PEPD: variants seen among roughly 807,000 people sequenced by gnomAD.
PEPD encodes the protein xaa-Pro dipeptidase.
A neutral mutation model predicts 60.7 loss-of-function variants in PEPD; 53 were observed. That is an observed-to-expected ratio of 0.87 (90% CI 0.70 to 1.10). PEPD has a LOEUF of 1.10. Ranked by LOEUF, PEPD falls within the 50% of genes least tolerant of loss-of-function variation. PEPD has a pLI of 0.00. For missense variants in PEPD, 711 were observed against 711.9 expected, an observed-to-expected ratio of 1.00 and a Z score of 0.01; for synonymous variants, 267 against 284.1, an observed-to-expected ratio of 0.94 and a Z score of 0.60.
At chr19:33,402,815 G>T (rs567161887) in intron 11 of PEPD, among the ~76,000 whole-genome samples, 1 of 152,324 alleles carries the variant, frequency 6.6e-6, no homozygotes, top group African/African-American at 2.4e-5. Context: ...AGGCAGGATG[G>T]CATGGGACAG....
At chr19:33,424,369 C>T (rs770687675) in intron 9 of PEPD, among the ~76,000 whole-genome samples, 2 of 152,238 alleles carry the variant, frequency 1.3e-5, no homozygotes, top group Non-Finnish European at 2.9e-5. Context: ...CTTGAGCCAG[C>T]GAGGGAGCTC....
intron 7 of PEPD, among the ~76,000 whole-genome samples, chr19:33,475,752 G>A (rs1193769186): frequency 6.6e-6 from 1 of 152,182 alleles, no homozygotes; most frequent in Non-Finnish European, 1.5e-5. Context: ...CCCATTCTAA[G>A]TACCCAGGAT....
At chr19:33,520,782 G>GC (rs1971116649) in intron 1 of PEPD, among the ~76,000 whole-genome samples, 2 of 151,158 alleles carry the variant, frequency 1.3e-5, no homozygotes, top group South Asian at 2.1e-4. Flanking sequence ...CCTACACCAT[G>GC]CCCCCTCTAC....
Position 33,455,652 on chromosome 19 carries a change from G to A in PEPD, c.671+7343C>T, listed in dbSNP as rs573582387. 8.6e-5 allele frequency among the ~76,000 whole-genome samples: 13 copies of A among 150,698 alleles called. No homozygotes were observed. The East Asian group carries it at 1.8e-3, about 20-fold the overall frequency. On this transcript the variant is annotated intron_variant, in intron 9 of 14. Coordinates refer to ENST00000244137, the MANE Select transcript of PEPD (RefSeq NM_000285.4). ...CAAGTAGCTGGGACTATAGGGGTGCGTCACCACACTCAGCTAATTAAAAAC... is the reference window on the plus strand; with the variant it reads ...CAAGTAGCTGGGACTATAGGGGTGCATCACCACACTCAGCTAATTAAAAAC...
Position 33,387,403 on chromosome 19 carries a change from T to A in PEPD, c.1423A>T (p.Ile475Phe). 6.2e-7 allele frequency: 1 copy of A among 1,614,066 alleles called. No individual in the cohort carries two copies. The highest frequency in any genetic ancestry group is 8.5e-7 in the Non-Finnish European group (1 of 1,180,036). The change falls in exon 15 of 15, where the codon ATT (isoleucine) becomes TTT (phenylalanine). Residue 475 changes from isoleucine (I) to phenylalanine (F), a missense_variant. By Grantham distance (21) the Ile-to-Phe change is conservative (BLOSUM62 0). Transcript: ENST00000244137. The stretch of plus-strand genomic sequence containing the variant: ...TCACAGCCTGCCATGCATGCTTCAA[T>A]CTCTTCCACAGTGCGGGGCACGCAG... ...LTCVPRTVEE[I>F]EACMAGCDKA...
At chr19:33,392,653 G>A (rs1968252663) in intron 12 of PEPD, among the ~76,000 whole-genome samples, 1 of 152,222 alleles carries the variant, frequency 6.6e-6, no homozygotes, top group African/African-American at 2.4e-5. Flanking sequence ...GAGTGACCTT[G>A]GCTCCCGAGG....
Position 33,436,656 on chromosome 19 carries a change from C to T in PEPD, c.672-23013G>A, listed in dbSNP as rs568809480. ...AATGTTATTACCTCCTCCATCTTCC[C>T]ACACTTGCTGCTGGTCTAAAGCAAT... On this transcript the variant is annotated intron_variant, in intron 9 of 14. Transcript: ENST00000244137. Among the ~76,000 whole-genome samples, 6 of 152,372 alleles carry T rather than the reference C, an allele frequency of 3.9e-5. No homozygotes were observed. The East Asian group carries it at 9.7e-4, about 25-fold the overall frequency.
intron 5 of PEPD, among the ~76,000 whole-genome samples, chr19:33,490,270 G>A (rs1324095793): frequency 6.6e-6 from 1 of 152,206 alleles, no homozygotes; most frequent in African/African-American, 2.4e-5. Flanking sequence ...GAGGAAGTGG[G>A]GGCCCCCCAA....
chr19:33,449,958 C>G (rs1443638646), intron 9 of PEPD, among the ~76,000 whole-genome samples: 1 of 152,206 alleles, frequency 6.6e-6, no homozygotes, highest in Non-Finnish European at 1.5e-5. Context: ...AGACAGGAAG[C>G]AGAGCATGTG....
At chr19:33,434,796 CA>C (rs1199276126) in intron 9 of PEPD, among the ~76,000 whole-genome samples, 2 of 152,018 alleles carry the variant, frequency 1.3e-5, no homozygotes, top group Non-Finnish European at 2.9e-5. Flanking sequence ...AGAACCCAGC[CA>C]GGTGGAGCAG....
intron 9 of PEPD, among the ~76,000 whole-genome samples, chr19:33,417,380 C>A (rs929544644): frequency 6.6e-6 from 1 of 152,190 alleles, no homozygotes; most frequent in Admixed American, 6.5e-5. Context: ...GTAGTTGGGA[C>A]ATGGGGTTAC....
chr19:33,447,024 T>A (rs919321774), intron 9 of PEPD, among the ~76,000 whole-genome samples: 1 of 152,220 alleles, frequency 6.6e-6, no homozygotes, highest in African/African-American at 2.4e-5. Context: ...AGCAATGAAC[T>A]GCGGTCACCT....
Position 33,490,020 on chromosome 19 carries a change from T to C in PEPD, c.479A>G (p.Glu160Gly). ...VNTDSGSVCR[E>G]ASFDGISKFE... ...CTTGCTGATGCCGTCAAAGGAGGCCTCCCTGCAGACACTGCCGCTGTCCGT... is the reference window on the plus strand; with the variant it reads ...CTTGCTGATGCCGTCAAAGGAGGCCCCCCTGCAGACACTGCCGCTGTCCGT... Residue 160 changes from glutamate to glycine, a missense_variant, in exon 6 of 15, where the codon GAG (glutamate) becomes GGG (glycine). Transcript: ENST00000244137. 6.2e-7 allele frequency: 1 copy of C among 1,611,450 alleles called. No individual in the cohort carries two copies. The highest frequency in any genetic ancestry group is 1.3e-5 in the African/African-American group (1 of 74,980).
chr19:33,436,116 G>A (rs757138424), intron 9 of PEPD, among the ~76,000 whole-genome samples: 4 of 151,924 alleles, frequency 2.6e-5, no homozygotes, highest in Non-Finnish European at 4.4e-5. Flanking sequence ...GGAGGAGAGC[G>A]GGGAGAAAAG....
At chr19:33,401,306 G>C (rs1293987442) in intron 12 of PEPD, among the ~76,000 whole-genome samples, 1 of 152,252 alleles carries the variant, frequency 6.6e-6, no homozygotes, top group Non-Finnish European at 1.5e-5. Context: ...ACCCAGAGGA[G>C]GGCTTTCCAT....
intron 3 of PEPD, among the ~76,000 whole-genome samples, chr19:33,509,889 G>A (rs1419775340): frequency 1.3e-5 from 2 of 152,190 alleles, no homozygotes; most frequent in Non-Finnish European, 2.9e-5. Context: ...GGTGGAGGAG[G>A]GTGCCCAGCA....
intron 12 of PEPD, among the ~76,000 whole-genome samples, chr19:33,400,213 C>A (rs1471561270): frequency 1.3e-5 from 2 of 152,182 alleles, no homozygotes; most frequent in East Asian, 3.9e-4. Context: ...TGGACTATGA[C>A]CTGGGCATGG....
At chr19:33,405,931 C>T (rs1436389160) in intron 11 of PEPD, among the ~76,000 whole-genome samples, 1 of 152,226 alleles carries the variant, frequency 6.6e-6, no homozygotes, top group Admixed American at 6.5e-5. Context: ...CGGTGGGTGA[C>T]GGGAGCAGCT....
rs1970922227 is a variant in PEPD, at chr19:33,511,297, C to T, written c.202-142G>A. ...ACCCCAGCCCCAGACATCCCTTCCC[C>T]TCAGCACTCGACTCCCCAGCTCATC... On this transcript the variant is annotated intron_variant, in intron 2 of 14. Coordinates refer to ENST00000244137, the MANE Select transcript of PEPD (RefSeq NM_000285.4). The T allele has an allele frequency of 7.4e-6, 6 of 813,142 alleles. No individual in the cohort carries two copies. The South Asian group carries it at 8.7e-5, about 12-fold the overall frequency. The allele number at this position is 813,142 out of a possible 1,614,324, so 50.4% of individuals were successfully genotyped here.
Sources: gnomAD v4.1 joint callset for allele counts (sites outside exome capture counted in the v4.1 genomes callset) on GRCh38, gnomAD v4.1.1 for gene constraint, MANE v1.5 for transcripts, NCBI Gene and HGNC (gene_info 2026-07-23, HGNC 2026-07-21) for gene names.